The following TMEM108 variants were observed in gnomAD, a reference collection of about 807,000 sequenced individuals.
TMEM108 encodes the protein transmembrane protein 108.
A neutral mutation model predicts 35.1 loss-of-function variants in TMEM108; 12 were observed. The ratio of observed to expected loss-of-function variants is 0.34; its 90% CI spans 0.22 to 0.55. TMEM108 has a LOEUF of 0.55. Ranked by LOEUF, TMEM108 falls within the 20% of genes least tolerant of loss-of-function variation. The pLI, the probability that TMEM108 is intolerant of heterozygous loss-of-function variation, is 0.89. For synonymous variants in TMEM108, 287 were observed against 308.6 expected, an observed-to-expected ratio of 0.93 and a Z score of 0.73; for missense variants, 680 against 753.3, an observed-to-expected ratio of 0.90 and a Z score of 1.14.
rs1025224601 is a variant in TMEM108 at position 133,201,301 on chromosome 3, A to G, written c.-46-27965A>G. On this transcript the variant is annotated intron_variant, in intron 2 of 5. Transcript: ENST00000321871. ...ACCTGAATTTTAGACCTCTAATTAA[A>G]AAAAAAAAATTTATACTTTAAGTTC... Among the ~76,000 whole-genome samples the G allele has an allele frequency of 1.0e-3, 157 of 152,150 alleles. 1 individual carries two copies. Among genetic ancestry groups the G allele is most frequent in the Non-Finnish European group, 2.2e-4 (15 of 67,946 alleles).
intron 2 of TMEM108, among the ~76,000 whole-genome samples, chr3:133,219,598 G>C (rs1945957958): frequency 6.6e-6 from 1 of 151,818 alleles, no homozygotes; most frequent in East Asian, 1.9e-4. Context: ...TTTATTCTTT[G>C]GTTGCTCAGG....
intron 2 of TMEM108, among the ~76,000 whole-genome samples, chr3:133,136,051 A>G (rs1199672421): frequency 6.6e-6 from 1 of 152,114 alleles, no homozygotes; most frequent in Non-Finnish European, 1.5e-5. Flanking sequence ...TTTTTCTTTT[A>G]CTTTCTGAAT....
chr3:133,127,961 C>A (rs1464246454), intron 2 of TMEM108, among the ~76,000 whole-genome samples: 1 of 152,122 alleles, frequency 6.6e-6, no homozygotes, highest in African/African-American at 2.4e-5. Flanking sequence ...TTGCTTTGGG[C>A]AAATCAGGAT....
At chr3:133,045,123 A>G (rs908972310) in intron 1 of TMEM108, among the ~76,000 whole-genome samples, 1 of 152,012 alleles carries the variant, frequency 6.6e-6, no homozygotes, top group Non-Finnish European at 1.5e-5. Flanking sequence ...ACCCGCCACC[A>G]TGCCCGGCTA....
chr3:133,168,040 G>C (rs1945070518), intron 2 of TMEM108, among the ~76,000 whole-genome samples: 1 of 152,148 alleles, frequency 6.6e-6, no homozygotes, highest in African/African-American at 2.4e-5. Context: ...CAGAGAGTCT[G>C]TTTTGTCAGT....
intron 2 of TMEM108, among the ~76,000 whole-genome samples, chr3:133,078,627 T>C (rs1208249403): frequency 6.6e-6 from 1 of 152,214 alleles, no homozygotes; most frequent in Non-Finnish European, 1.5e-5. Context: ...GTTAATCAAC[T>C]CAAGAATAAA....
intron 2 of TMEM108, among the ~76,000 whole-genome samples, chr3:133,163,139 T>C (rs927326192): frequency 2.6e-5 from 4 of 152,158 alleles, no homozygotes; most frequent in African/African-American, 9.7e-5. Flanking sequence ...AGTGCCAAGC[T>C]AAAGAGCTAC....
intron 2 of TMEM108, among the ~76,000 whole-genome samples, chr3:133,169,922 T>A (rs1323933981): frequency 6.6e-6 from 1 of 152,222 alleles, no homozygotes; most frequent in East Asian, 1.9e-4. Context: ...TCAGCGCAGA[T>A]GCACTGGAAA....
chr3:133,159,603 G>A (rs1944932338), intron 2 of TMEM108, among the ~76,000 whole-genome samples: 1 of 152,138 alleles, frequency 6.6e-6, no homozygotes, highest in African/African-American at 2.4e-5. Context: ...CTAACTCTGG[G>A]CCAGGGACTG....
chr3:133,088,492 A>G (rs1425570403), intron 2 of TMEM108, among the ~76,000 whole-genome samples: 1 of 152,064 alleles, frequency 6.6e-6, no homozygotes, highest in African/African-American at 2.4e-5. Flanking sequence ...GAGAGGGAAG[A>G]TTGCTACTGG....
At chr3:133,186,325 A>G (rs965476486) in intron 2 of TMEM108, among the ~76,000 whole-genome samples, 1 of 152,240 alleles carries the variant, frequency 6.6e-6, no homozygotes, top group Non-Finnish European at 1.5e-5. Context: ...GTTGCTTAAC[A>G]GAGAGAAGTG....
At chr3:133,138,380 G>A (rs1350668778) in intron 2 of TMEM108, among the ~76,000 whole-genome samples, 2 of 152,320 alleles carry the variant, frequency 1.3e-5, no homozygotes, top group East Asian at 3.9e-4. Context: ...TGAAAAGGAA[G>A]AGAGACTATC....
At chr3:133,248,333 T>C (rs2107666017) in intron 3 of TMEM108, 1 of 152,296 alleles carries the variant, frequency 6.6e-6, no homozygotes, top group East Asian at 1.9e-4. Flanking sequence ...CCAAGTGTTA[T>C]GCCTAAAATC....
At chr3:133,062,293 AT>A (rs1376253280) in intron 2 of TMEM108, among the ~76,000 whole-genome samples, 1 of 152,158 alleles carries the variant, frequency 6.6e-6, no homozygotes, top group Non-Finnish European at 1.5e-5. Flanking sequence ...GTTTTTGATA[AT>A]TTTATTAATT....
chr3:133,175,432 G>A (rs912722815), intron 2 of TMEM108, among the ~76,000 whole-genome samples: 1 of 152,144 alleles, frequency 6.6e-6, no homozygotes, highest in South Asian at 2.1e-4. Context: ...GAAAGGTCGG[G>A]TTACCCACAA....
intron 3 of TMEM108, among the ~76,000 whole-genome samples, chr3:133,298,936 G>A (rs907820659): frequency 2.6e-5 from 4 of 152,212 alleles, no homozygotes; most frequent in Admixed American, 2.6e-4. Flanking sequence ...TTTAGGATAG[G>A]TTTTCCAAGA....
chr3:133,185,785 T>TTTTCTTTTCTTTTC (rs1491374718), intron 2 of TMEM108, among the ~76,000 whole-genome samples: 1 of 7,002 alleles, frequency 1.4e-4, no homozygotes, highest in African/African-American at 1.9e-4. Context: ...TTTTCTTTTC[T>TTTTCTTTTCTTTTC]TTTTTTTTTT....
intron 5 of TMEM108, among the ~76,000 whole-genome samples, chr3:133,392,761 T>C (rs1338522605): frequency 6.6e-6 from 1 of 152,140 alleles, no homozygotes; most frequent in Non-Finnish European, 1.5e-5. Context: ...ATTTCATTGG[T>C]TCTCCCTAAG....
intron 2 of TMEM108, among the ~76,000 whole-genome samples, chr3:133,155,349 T>A (rs1029078992): frequency 3.3e-5 from 5 of 152,164 alleles, no homozygotes; most frequent in Admixed American, 3.3e-4. Context: ...TAAGGTAGAA[T>A]GATTTATATT....
Sources: allele counts gnomAD v4.1 joint callset (sites outside exome capture counted in the v4.1 genomes callset), GRCh38; gene constraint gnomAD v4.1.1; transcripts MANE v1.5; gene names NCBI Gene and HGNC (gene_info 2026-07-23, HGNC 2026-07-21).